TMPRSS15: variants seen among roughly 807,000 people sequenced by gnomAD.
TMPRSS15 encodes the protein transmembrane serine protease 15.
In TMPRSS15, 128 loss-of-function variants were observed where a neutral mutation model predicts 125.3. The observed-to-expected ratio is 1.02, with a 90% confidence interval of 0.89 to 1.18. The LOEUF is 1.18. Among genes scored for constraint, TMPRSS15 ranks in the 50% most tolerant of loss-of-function variants. The pLI is 0.00. For missense variants in TMPRSS15, 1,283 were observed against 1,212.7 expected (o/e 1.06, Z -0.86); for synonymous variants, 446 against 423.2 (o/e 1.05, Z -0.66).
chr21:18,304,339 T>C (rs1361185393), intron 18 of TMPRSS15, among the ~76,000 whole-genome samples: 2 of 152,158 alleles, frequency 1.3e-5, no homozygotes, highest in South Asian at 2.1e-4. Flanking sequence ...ATGCTTTGTA[T>C]AACTTCTATG....
In TMPRSS15 at chr21:18,390,020, CA is replaced by C. The variant is rs1280382857; in HGVS notation, c.345-6243del. Among the ~76,000 whole-genome samples the C allele has an allele frequency of 7.2e-5, 11 of 152,158 alleles. No homozygotes were observed. The South Asian group carries it at 1.0e-3, about 14-fold the overall frequency. On this transcript the variant is annotated intron_variant, in intron 3 of 24. Transcript: ENST00000284885. ...ATTTAGCACATTCATGATGTCTCAA[CA>C]TCTTCTTAGTAGCCCTCAATGCCAG...
chr21:18,309,045 A>G (rs1196624142), intron 18 of TMPRSS15, among the ~76,000 whole-genome samples: 1 of 152,320 alleles, frequency 6.6e-6, no homozygotes, highest in African/African-American at 2.4e-5. Context: ...CAGTGCTGCA[A>G]TAAACATACG....
intron 1 of TMPRSS15, among the ~76,000 whole-genome samples, chr21:18,439,971 T>C (rs2076237177): frequency 6.6e-6 from 1 of 152,142 alleles, no homozygotes; most frequent in Non-Finnish European, 1.5e-5. Flanking sequence ...GTGGGGTTGT[T>C]GTGGATAAGT....
intron 1 of TMPRSS15, among the ~76,000 whole-genome samples, chr21:18,413,891 C>T (rs2076173709): frequency 6.6e-6 from 1 of 152,024 alleles, no homozygotes; most frequent in Non-Finnish European, 1.5e-5. Flanking sequence ...CCAGTCCTGG[C>T]CACCTTTTTT....
intron 16 of TMPRSS15, among the ~76,000 whole-genome samples, chr21:18,321,817 G>C (rs537562307): frequency 6.6e-6 from 1 of 152,008 alleles, no homozygotes. Context: ...AAAAAATCTC[G>C]ACGGAAGCAG....
intron 1 of TMPRSS15, among the ~76,000 whole-genome samples, chr21:18,461,206 C>A (rs1409204451): frequency 6.6e-6 from 1 of 152,146 alleles, no homozygotes; most frequent in Non-Finnish European, 1.5e-5. Flanking sequence ...GCCTAACAGA[C>A]CACCTGCTAC....
chr21:18,304,261 A>C (rs1007848675), intron 18 of TMPRSS15, among the ~76,000 whole-genome samples: 1 of 151,720 alleles, frequency 6.6e-6, no homozygotes, highest in Non-Finnish European at 1.5e-5. Flanking sequence ...GTTGTTTGAT[A>C]TGTGTGTGTG....
upstream of TMPRSS15, among the ~76,000 whole-genome samples, chr21:18,405,165 T>C (rs1469083238): frequency 1.3e-5 from 2 of 152,088 alleles, no homozygotes; most frequent in Non-Finnish European, 2.9e-5. Flanking sequence ...TTTGACTTTA[T>C]AGAAGGAAAG....
chr21:18,308,914 A>G (rs2075065669), intron 18 of TMPRSS15, among the ~76,000 whole-genome samples: 2 of 152,212 alleles, frequency 1.3e-5, no homozygotes, highest in Non-Finnish European at 2.9e-5. Flanking sequence ...CCTGCAAAGG[A>G]CATGAACTTA....
At chr21:18,400,555 C>A (rs980510469) in intron 1 of TMPRSS15, among the ~76,000 whole-genome samples, 2 of 152,056 alleles carry the variant, frequency 1.3e-5, no homozygotes, top group African/African-American at 4.8e-5. Flanking sequence ...TGGATCCCTA[C>A]CTTTCACCAT....
chr21:18,301,924 A>C (rs1420714715), intron 18 of TMPRSS15, among the ~76,000 whole-genome samples: 1 of 152,216 alleles, frequency 6.6e-6, no homozygotes, highest in African/African-American at 2.4e-5. Flanking sequence ...ATGGCGTATA[A>C]AAATATACTC....
chr21:18,399,218 G>A (rs1412650962), intron 1 of TMPRSS15, among the ~76,000 whole-genome samples: 2 of 151,970 alleles, frequency 1.3e-5, no homozygotes, highest in South Asian at 2.1e-4. Context: ...AGTTTAGAAC[G>A]ATTAAGAAAA....
At chr21:18,469,528 A>G (rs1978736036) in intron 1 of TMPRSS15, among the ~76,000 whole-genome samples, 1 of 152,166 alleles carries the variant, frequency 6.6e-6, no homozygotes, top group Admixed American at 6.6e-5. Flanking sequence ...AAATCATCAG[A>G]TAATTCCCCT....
intron 8 of TMPRSS15, among the ~76,000 whole-genome samples, chr21:18,359,270 T>A (rs2075655851): frequency 6.6e-6 from 1 of 152,072 alleles, no homozygotes; most frequent in South Asian, 2.1e-4. Flanking sequence ...TCCATCCACA[T>A]CTATCATTTA....
At chr21:18,357,267 A>T (rs933612000) in intron 8 of TMPRSS15, among the ~76,000 whole-genome samples, 1 of 151,538 alleles carries the variant, frequency 6.6e-6, no homozygotes, top group Non-Finnish European at 1.5e-5. Flanking sequence ...CTTTCCCAGC[A>T]CTCTATTTTG....
chr21:18,473,153 A>G (rs1453670222), intron 1 of TMPRSS15, among the ~76,000 whole-genome samples: 1 of 152,158 alleles, frequency 6.6e-6, no homozygotes, highest in African/African-American at 2.4e-5. Context: ...CATAAAAATC[A>G]GAAGCTCTTT....
chr21:18,327,945 C>T lies in TMPRSS15; in HGVS notation c.1780+1224G>A, dbSNP rs1019175088. 7.2e-5 allele frequency among the ~76,000 whole-genome samples: 11 copies of T among 152,162 alleles called. No individual in the cohort carries two copies. In the East Asian group the frequency reaches 1.9e-3, roughly 27 times the overall value. ...GTGGGCGCCTGTAATCCAATCTACTCTGGAGGCTGAGGCAGGAGGATCGCT... is the reference window on the plus strand; with the variant it reads ...GTGGGCGCCTGTAATCCAATCTACTTTGGAGGCTGAGGCAGGAGGATCGCT... On this transcript the variant is annotated intron_variant, in intron 15 of 24. Coordinates refer to ENST00000284885, the MANE Select transcript of TMPRSS15 (RefSeq NM_002772.3).
intron 1 of TMPRSS15, among the ~76,000 whole-genome samples, chr21:18,465,633 C>A (rs1008320733): frequency 6.6e-6 from 1 of 151,944 alleles, no homozygotes; most frequent in African/African-American, 2.4e-5. Flanking sequence ...AAACAGAGAG[C>A]CAAATCATGA....
At chr21:18,439,663 T>C (rs1156376260) in intron 1 of TMPRSS15, among the ~76,000 whole-genome samples, 1 of 152,028 alleles carries the variant, frequency 6.6e-6, no homozygotes, top group Non-Finnish European at 1.5e-5. Context: ...ACAAAAGCAT[T>C]GTGATGAAAG....
Sources: gnomAD v4.1 joint callset for allele counts (sites outside exome capture counted in the v4.1 genomes callset) on GRCh38, gnomAD v4.1.1 for gene constraint, MANE v1.5 for transcripts, NCBI Gene and HGNC (gene_info 2026-07-23, HGNC 2026-07-21) for gene names.